PTPRT: variants seen among roughly 807,000 people sequenced by gnomAD.
PTPRT encodes the protein protein tyrosine phosphatase receptor type T, also known as receptor-type tyrosine-protein phosphatase T.
In PTPRT, 56 loss-of-function variants were observed where a neutral mutation model predicts 176.8. The observed-to-expected ratio is 0.32, with a 90% CI of 0.26 to 0.40. PTPRT has a LOEUF of 0.40. PTPRT is among the 10% of genes least tolerant of loss of function. PTPRT has a pLI of 1.00. For missense variants in PTPRT, 1,540 were observed against 1,908.2 expected (o/e 0.81, Z 3.60); for synonymous variants, 783 against 739.0 (o/e 1.06, Z -0.96).
chr20:42,725,459 T>G (rs562594308), intron 6 of PTPRT, among the ~76,000 whole-genome samples: 4 of 151,932 alleles, frequency 2.6e-5, no homozygotes, highest in African/African-American at 9.6e-5. Context: ...ACTTGTACAA[T>G]AGTATTAAAA....
chr20:43,132,822 AG>A (rs2013687778), intron 1 of PTPRT, among the ~76,000 whole-genome samples: 1 of 152,238 alleles, frequency 6.6e-6, no homozygotes, highest in South Asian at 2.1e-4. Flanking sequence ...AGATGATGTT[AG>A]GACAACTTGA....
intron 12 of PTPRT, among the ~76,000 whole-genome samples, chr20:42,315,029 T>C (rs951007815): frequency 2.5e-4 from 38 of 152,130 alleles, no homozygotes; most frequent in Non-Finnish European, 4.4e-4. Context: ...CCTGTGATTT[T>C]CTAATATTAT....
At chr20:42,145,609 C>A (rs1988835284) in intron 17 of PTPRT, among the ~76,000 whole-genome samples, 1 of 152,206 alleles carries the variant, frequency 6.6e-6, no homozygotes, top group South Asian at 2.1e-4. Flanking sequence ...AGAAGCATGA[C>A]TATGATCCTC....
At chr20:43,028,376 G>T (rs206162) in intron 1 of PTPRT, among the ~76,000 whole-genome samples, 2 of 151,860 alleles carry the variant, frequency 1.3e-5, no homozygotes, top group Non-Finnish European at 2.9e-5. Context: ...TAACAAACTT[G>T]GTTCCCCTCC....
chr20:42,107,691 G>C (rs1053451829), intron 23 of PTPRT, among the ~76,000 whole-genome samples: 1 of 152,196 alleles, frequency 6.6e-6, no homozygotes, highest in Non-Finnish European at 1.5e-5. Context: ...GGGAAGGCCG[G>C]GCAGCCTGTC....
At chr20:42,752,760 T>C (rs1019363972) in intron 6 of PTPRT, among the ~76,000 whole-genome samples, 7 of 152,214 alleles carry the variant, frequency 4.6e-5, no homozygotes, top group African/African-American at 1.4e-4. Context: ...TTAAGCATCC[T>C]GGCTCCGCAA....
intron 1 of PTPRT, among the ~76,000 whole-genome samples, chr20:43,056,850 A>C (rs542075989): frequency 6.6e-6 from 1 of 152,290 alleles, no homozygotes; most frequent in African/African-American, 2.4e-5. Flanking sequence ...GGGGAACAAA[A>C]CCCAAGTAAA....
intron 7 of PTPRT, among the ~76,000 whole-genome samples, chr20:42,666,884 C>A (rs1433839245): frequency 2.6e-5 from 4 of 152,094 alleles, no homozygotes. Flanking sequence ...GCATTGAAAT[C>A]TTTTAGTAGT....
At chr20:42,359,425 T>A (rs1261030016) in intron 9 of PTPRT, among the ~76,000 whole-genome samples, 1 of 152,180 alleles carries the variant, frequency 6.6e-6, no homozygotes, top group East Asian at 1.9e-4. Context: ...AGCCAACACA[T>A]GGCCCCAGAC....
At chr20:42,436,183 G>T (rs1293085361) in intron 9 of PTPRT, among the ~76,000 whole-genome samples, 5 of 152,122 alleles carry the variant, frequency 3.3e-5, no homozygotes, top group Non-Finnish European at 4.4e-5. Context: ...TCTCACCTTG[G>T]TTTAGGGAAG....
chr20:43,022,831 T>C (rs1214742167), intron 1 of PTPRT, among the ~76,000 whole-genome samples: 2 of 152,190 alleles, frequency 1.3e-5, no homozygotes, highest in African/African-American at 4.8e-5. Flanking sequence ...GCTGCAGACT[T>C]TGTCTTCCAC....
chr20:42,967,765 C>G (rs1462117536), intron 1 of PTPRT, among the ~76,000 whole-genome samples: 1 of 151,304 alleles, frequency 6.6e-6, no homozygotes, highest in African/African-American at 2.4e-5. Context: ...CAAACCATCG[C>G]AGCAGCCTCC....
In PTPRT at chr20:42,102,163, G is replaced by A. The variant is rs201193836; in HGVS notation, c.3675C>T (p.Asp1225=). ...DRCLPFLISV[D]GESSNYINAA... is the part of the protein sequence containing the mutation. ...CGTTGATGTAATTGCTGGATTCTCC[G>A]TCCACTGAGATAAGGAAGGGCAGGC... The change falls in exon 26 of 31, where the codon GAC becomes GAT. Residue 1225 remains aspartate, a synonymous_variant. Coordinates refer to ENST00000373187, the MANE Select transcript of PTPRT (RefSeq NM_007050.6). The A allele has an allele frequency of 7.1e-5, 114 of 1,614,122 alleles. No individual in the cohort carries two copies. Among genetic ancestry groups the A allele is most frequent in the Admixed American group, 8.3e-5 (5 of 60,026 alleles).
Position 42,080,911 on chromosome 20 carries a change from C to T in PTPRT, c.4294G>A (p.Glu1432Lys), listed in dbSNP as rs568484928. 5 of 1,609,348 alleles carry T rather than the reference C, an allele frequency of 3.1e-6. No individual in the cohort carries two copies. The highest frequency in any genetic ancestry group is 1.3e-5 in the African/African-American group (1 of 74,762). The change falls in exon 31 of 31, where the codon GAG (glutamate) becomes AAG (lysine). Residue 1432 changes from glutamate (E) to lysine (K), a missense_variant. Physicochemically the swap from Glu to Lys is moderately conservative, Grantham distance 56. This residue lies in a region of PTPRT where 342 missense variants were observed against 394.0 expected (regional missense o/e 0.87). Coordinates refer to ENST00000373187, the MANE Select transcript of PTPRT (RefSeq NM_007050.6). ...ETLEQYKFVY[E>K]VALEYLSSF Reference sequence around the variant, plus strand: ...GAGCTTAAATATTCCAGTGCCACCTCGTATACAAATTTATACTGTTCCTGA... The same window carrying T: ...GAGCTTAAATATTCCAGTGCCACCTTGTATACAAATTTATACTGTTCCTGA...
At chr20:42,759,041 G>A (rs187973670) in intron 5 of PTPRT, among the ~76,000 whole-genome samples, 1 of 152,204 alleles carries the variant, frequency 6.6e-6, no homozygotes, top group African/African-American at 2.4e-5. Context: ...GGAAAATTCC[G>A]GCAAACACCA....
At chr20:43,121,603 A>T (rs909542355) in intron 1 of PTPRT, among the ~76,000 whole-genome samples, 10 of 152,194 alleles carry the variant, frequency 6.6e-5, no homozygotes, top group African/African-American at 2.4e-4. Context: ...CTTAGTGTCC[A>T]TTTGAATATC....
intron 1 of PTPRT, among the ~76,000 whole-genome samples, chr20:43,180,341 A>ATCTCTCTCTCTC (rs71193679): frequency 0.05 from 5,729 of 114,946 alleles, 384 homozygotes; most frequent in East Asian, 0.14. Context: ...AAATGAATCA[A>ATCTCTCTCTCTC]TCTCTCTCTC....
At chr20:42,783,918 AAGTC>A (rs1338699007) in intron 3 of PTPRT, among the ~76,000 whole-genome samples, 1 of 152,128 alleles carries the variant, frequency 6.6e-6, no homozygotes, top group Non-Finnish European at 1.5e-5. Context: ...GTGGCACTCC[AAGTC>A]AGTAAATGGA....
At chr20:42,122,977 GC>G (rs1339682287) in intron 19 of PTPRT, among the ~76,000 whole-genome samples, 1 of 152,158 alleles carries the variant, frequency 6.6e-6, no homozygotes, top group East Asian at 1.9e-4. Flanking sequence ...CTCCTGAGTG[GC>G]CCAGTAGGGC....
Sources: gnomAD v4.1 joint callset for allele counts (sites outside exome capture counted in the v4.1 genomes callset) on GRCh38, gnomAD v4.1.1 for gene constraint, gnomAD v4.1.1 regional missense constraint, MANE v1.5 for transcripts, NCBI Gene and HGNC (gene_info 2026-07-23, HGNC 2026-07-21) for gene names.